The following VPS33A variants were observed in gnomAD, a reference collection of about 807,000 sequenced individuals.
VPS33A encodes the protein vacuolar protein sorting-associated protein 33A.
In VPS33A, 32 loss-of-function variants were observed where a neutral mutation model predicts 71.8. The observed-to-expected ratio is 0.45, with a 90% CI of 0.34 to 0.60. The LOEUF (loss-of-function observed/expected upper bound fraction) is 0.60, where lower values mean the gene tolerates loss of function less well. VPS33A is among the 20% of genes least tolerant of loss of function. The pLI, the probability that VPS33A is intolerant of heterozygous loss-of-function variation, is 0.02. For missense variants in VPS33A, 625 were observed against 748.5 expected (o/e 0.84, Z 1.92); for synonymous variants, 311 against 292.7 (o/e 1.06, Z -0.64).
intron 6 of VPS33A, chr12:122,248,626 A>G (rs1353659897): frequency 2.0e-5 from 3 of 152,094 alleles, no homozygotes; most frequent in Middle Eastern, 3.4e-3. Context: ...TTTCTAAAAT[A>G]TTTCTCCAGC....
intron 6 of VPS33A, 60 bp downstream of exon 6, chr12:122,249,811 C>A: frequency 6.8e-7 from 1 of 1,471,914 alleles, no homozygotes; most frequent in South Asian, 1.3e-5. Context: ...AAACAGTAGC[C>A]TCCACAAAGG....
intron 8 of VPS33A, among the ~76,000 whole-genome samples, chr12:122,240,342 C>G (rs1340061330): frequency 1.3e-5 from 2 of 151,822 alleles, no homozygotes; most frequent in African/African-American, 4.8e-5. Flanking sequence ...GAAAAGAAAC[C>G]AGACATCATG....
chr12:122,264,877 T>C (rs902593799), intron 1 of VPS33A: 4 of 152,036 alleles, frequency 2.6e-5, no homozygotes, highest in South Asian at 2.1e-4. Flanking sequence ...CATATGGAAA[T>C]TGTCAACTAT....
chr12:122,256,700 C>G (rs1212106966), intron 4 of VPS33A, among the ~76,000 whole-genome samples: 2 of 152,006 alleles, frequency 1.3e-5, no homozygotes. Context: ...AACATACACA[C>G]AGCCAAAATT....
chr12:122,259,187 G>GTGTGTGTATGTATGTGTGTA (rs776992323), intron 4 of VPS33A, among the ~76,000 whole-genome samples: 2 of 144,646 alleles, frequency 1.4e-5, no homozygotes, highest in Non-Finnish European at 3.0e-5. Flanking sequence ...GTATGTATGT[G>GTGTGTGTATGTATGTGTGTA]TGTATGTATG....
chr12:122,238,522 C>A (rs1190377510), intron 10 of VPS33A, 65 bp downstream of exon 10: 2 of 1,552,636 alleles, frequency 1.3e-6, no homozygotes, highest in South Asian at 1.2e-5. Context: ...GTGCCCGGCC[C>A]ATGAAGTATT....
intron 2 of VPS33A, 46 bp from the exon 3 acceptor site, chr12:122,263,745 A>G: frequency 6.6e-7 from 1 of 1,522,582 alleles, no homozygotes; most frequent in Non-Finnish European, 8.9e-7. Context: ...ACTGAAATTT[A>G]CCTATAATTT....
rs1954573696 is a variant in VPS33A, at chr12:122,232,324, A to G, written c.1713T>C (p.Gly571=). The G allele has an allele frequency of 6.2e-7, 1 of 1,613,984 alleles. No individual in the cohort carries two copies. Among genetic ancestry groups the G allele is most frequent in the South Asian group, 1.1e-5 (1 of 91,086 alleles). ...TAGTGGTGGCAATGACATATTCTGT[A>G]CCTCCATCTTCCAACTGGGAGAGAA... is the stretch of plus-strand genomic sequence containing the variant. The part of the protein sequence containing the change: ...LRFLSQLEDG[G]TEYVIATTKL... Residue 571 remains glycine (G), a synonymous_variant, in exon 13 of 13, where the codon GGT becomes GGC. Coordinates refer to ENST00000267199, the MANE Select transcript of VPS33A (RefSeq NM_022916.6).
chr12:122,254,230 T>C (rs1043488014), intron 4 of VPS33A, among the ~76,000 whole-genome samples: 2 of 152,166 alleles, frequency 1.3e-5, no homozygotes. Flanking sequence ...CAGAGAGATC[T>C]AGATGTACCT....
intron 5 of VPS33A, 170 bp downstream of exon 5, chr12:122,250,813 T>C (rs1190889530): frequency 1.7e-6 from 1 of 591,280 alleles, no homozygotes; most frequent in Non-Finnish European, 3.0e-6. Flanking sequence ...GCACCATGAG[T>C]ACTGACTTGG....
At chr12:122,260,717 G>A (rs1483647946) in intron 4 of VPS33A, among the ~76,000 whole-genome samples, 4 of 152,190 alleles carry the variant, frequency 2.6e-5, no homozygotes, top group African/African-American at 9.7e-5. Context: ...CAGGCGCGGT[G>A]GCTCACGCCT....
chr12:122,246,062 T>A (rs1011392636), intron 6 of VPS33A, among the ~76,000 whole-genome samples: 7 of 152,194 alleles, frequency 4.6e-5, no homozygotes, highest in African/African-American at 1.7e-4. Context: ...ACACCCCACA[T>A]GTGCTCATGA....
At chr12:122,257,631 C>T (rs960402930) in intron 4 of VPS33A, among the ~76,000 whole-genome samples, 2 of 151,686 alleles carry the variant, frequency 1.3e-5, no homozygotes, top group African/African-American at 2.4e-5. Flanking sequence ...TGAGATTACA[C>T]CAGTGCACTC....
In VPS33A at chr12:122,244,580, C is replaced by G; in HGVS notation, c.958G>C (p.Ala320Pro). ...VLSKKAKIIS[A>P]AFEERHNAKT... ...AAAACTTGCCTCACCTCGAATGCTG[C>G]AGAGATGATCTTTGCTTTCTTGCTG... Residue 320 changes from alanine (A) to proline (P), a missense_variant, in exon 7 of 13, where the codon GCA becomes CCA. Ala to Pro is a conservative substitution (Grantham distance 27). Coordinates refer to ENST00000267199, the MANE Select transcript of VPS33A (RefSeq NM_022916.6). The G allele has an allele frequency of 1.2e-6, 2 of 1,605,278 alleles. No individual in the cohort carries two copies. Among genetic ancestry groups the G allele is most frequent in the Non-Finnish European group, 1.7e-6 (2 of 1,172,670 alleles).
chr12:122,233,487 A>G (rs1954591467), intron 11 of VPS33A, among the ~76,000 whole-genome samples: 1 of 152,062 alleles, frequency 6.6e-6, no homozygotes, highest in African/African-American at 2.4e-5. Flanking sequence ...CGGCCTCCCA[A>G]AGTGTTGGGA....
At chr12:122,235,634 T>A in intron 11 of VPS33A, 152 bp downstream of exon 11, 1 of 1,000,800 alleles carries the variant, frequency 1.0e-6, no homozygotes, top group African/African-American at 1.7e-5. Flanking sequence ...AGGATTCTGA[T>A]GGATACAATA....
At position 122,244,467 on chromosome 12, in the gene VPS33A, C is replaced by G. The variant is rs199890180; in HGVS notation, c.969+102G>C. 9.7e-6 allele frequency: 10 copies of G among 1,030,826 alleles called. No homozygotes were observed. The South Asian group carries it at 1.6e-4, about 16-fold the overall frequency. The allele number at this position is 1,030,826 out of a possible 1,614,324, so 63.9% of individuals were successfully genotyped here. On this transcript the variant is annotated intron_variant, in intron 7 of 12. Coordinates refer to ENST00000267199, the MANE Select transcript of VPS33A (RefSeq NM_022916.6). ...GAAGATGAGAAAAGTTGCATTGAAG[C>G]CTGGTTTAATGGCTACATATTTTTG...
chr12:122,240,083 T>G (rs905493491), intron 8 of VPS33A, 138 bp from the exon 9 acceptor site: 2 of 652,534 alleles, frequency 3.1e-6, no homozygotes, highest in Non-Finnish European at 5.3e-6. Flanking sequence ...ATCTCAGCAC[T>G]GTAGGGGGCC....
chr12:122,239,910 G>A lies in VPS33A; in HGVS notation c.1132C>T (p.Gln378Ter). 1.2e-6 allele frequency: 2 copies of A among 1,613,602 alleles called. No homozygotes were observed. Among genetic ancestry groups the A allele is most frequent in the Non-Finnish European group, 1.7e-6 (2 of 1,179,854 alleles). Residue 378 changes from glutamine to a stop codon, truncating the protein, a stop_gained, in exon 9 of 13, where the codon CAG (glutamine) becomes TAG (stop). Transcript: ENST00000267199. LOFTEE classifies it high-confidence loss of function. ...EDFFDKLTVEQEFMSGIDTDK... is the reference protein window; with the variant it reads ...EDFFDKLTVE ...GTGTCTATTCCAGACATAAACTCCT[G>A]TTCCACGGTTAATTTATCAAAAAAG...
Sources: allele counts gnomAD v4.1 joint callset (sites outside exome capture counted in the v4.1 genomes callset), GRCh38; gene constraint gnomAD v4.1.1; transcripts MANE v1.5; gene names NCBI Gene and HGNC (gene_info 2026-07-23, HGNC 2026-07-21).